Variants in MICAL3 observed in about 807,000 individuals in gnomAD.
MICAL3 encodes microtubule associated monooxygenase, calponin and LIM domain containing 3, also known as [F-actin]-monooxygenase MICAL3.
Under a neutral mutation model 207.4 loss-of-function variants are expected in MICAL3, and 62 were observed. That is an observed-to-expected ratio of 0.30 (90% CI 0.24 to 0.37). MICAL3 has a LOEUF of 0.37. Among genes scored for constraint, MICAL3 ranks in the 10% least tolerant of loss-of-function variants. The probability of loss-of-function intolerance (pLI) is 1.00; values close to 1 mark genes in which losing one functional copy is unlikely to be tolerated. For synonymous variants in MICAL3, 1,077 were observed against 1,069.3 expected (o/e 1.01, Z -0.14); for missense variants, 2,368 against 2,635.6 (o/e 0.90, Z 2.22).
chr22:17,901,091 A>G (rs1931281509), intron 5 of MICAL3, 94 bp from the exon 6 acceptor site: 10 of 1,245,638 alleles, frequency 8.0e-6, no homozygotes, highest in Admixed American at 1.7e-5. Flanking sequence ...GACAACAGGG[A>G]AAGTCAGGGA....
rs1232789896 is a variant in MICAL3, at chr22:17,820,846, AAATAAATTTGTTCTAATAAATTTT to A, written c.3531+557_3531+580del. 5.2e-3 allele frequency among the ~76,000 whole-genome samples: 762 copies of A among 147,224 alleles called. 5 individuals are homozygous for A. Among genetic ancestry groups the A allele is most frequent in the African/African-American group, 0.018 (729 of 40,710 alleles). On this transcript the variant is annotated intron_variant, in intron 25 of 31. Coordinates refer to ENST00000441493, the MANE Select transcript of MICAL3 (RefSeq NM_015241.3). The stretch of plus-strand genomic sequence containing the variant: ...TTTTAATATATTATAAATTTATAAA[AAATAAATTTGTTCTAATAAATTTT>A]AATAAATTTATATTTATAAACATAA...
chr22:17,947,514 T>C lies in MICAL3; in HGVS notation c.-74-40628A>G, dbSNP rs560944736. ...CTCATTCTGGTTTTGCATCAACCTA[T>C]CATTGTAAAATCAAAGTATGAAAGA... On this transcript the variant is annotated intron_variant, in intron 1 of 31. Transcript: ENST00000441493. Among the ~76,000 whole-genome samples, 62 of 152,330 alleles carry C rather than the reference T, an allele frequency of 4.1e-4. 1 individual carries two copies. In the South Asian group the frequency reaches 0.013, roughly 31 times the overall value.
chr22:17,867,682 C>T (rs976348856), intron 17 of MICAL3, among the ~76,000 whole-genome samples: 2 of 152,106 alleles, frequency 1.3e-5, no homozygotes, highest in Admixed American at 6.5e-5. Flanking sequence ...AAGGCAGGCT[C>T]GCTGGAGACG....
At chr22:17,866,120 C>CTT in intron 17 of MICAL3, 108 bp from the exon 18 acceptor site, 1 of 813,762 alleles carries the variant, frequency 1.2e-6, no homozygotes. Context: ...CTCACAAGGC[C>CTT]ATCAAGCCAC....
chr22:17,847,874 A>G (rs1176285670), intron 19 of MICAL3, among the ~76,000 whole-genome samples: 1 of 152,184 alleles, frequency 6.6e-6, no homozygotes, highest in Non-Finnish European at 1.5e-5. Context: ...TATGTTGCCC[A>G]GGCTGGTCTT....
chr22:17,913,236 T>C (rs1160607477), intron 1 of MICAL3, among the ~76,000 whole-genome samples: 1 of 152,122 alleles, frequency 6.6e-6, no homozygotes, highest in Non-Finnish European at 1.5e-5. Flanking sequence ...ATTATTTAAA[T>C]GTCTCTCTCC....
chr22:17,884,948 G>A (rs768436004), intron 16 of MICAL3, among the ~76,000 whole-genome samples: 1 of 152,222 alleles, frequency 6.6e-6, no homozygotes. Flanking sequence ...GCATGGAAAA[G>A]ACGGAGAGAG....
At position 17,790,984 on chromosome 22, in the gene MICAL3, C is replaced by T. The variant is rs1046291883; in HGVS notation, c.5824+14G>A. 1 of 1,612,854 alleles carries T rather than the reference C, an allele frequency of 6.2e-7. No individual in the cohort carries two copies. Among genetic ancestry groups the T allele is most frequent in the African/African-American group, 1.3e-5 (1 of 75,032 alleles). On this transcript the variant is annotated intron_variant, in intron 31 of 31. Transcript: ENST00000441493. ...CACCCACCCTGGCCTCCATGGGTGC[C>T]TTACCCCACTCACCTTCCACTGCCA...
At chr22:18,020,613 TA>T (rs55654559) in intron 1 of MICAL3, among the ~76,000 whole-genome samples, 178 of 119,728 alleles carry the variant, frequency 1.5e-3, no homozygotes, top group East Asian at 4.3e-3. Flanking sequence ...CTTTAAAAAG[TA>T]AAAAAAAAAA....
rs966907757 is a variant in MICAL3, at chr22:17,787,738, C to T, written c.*2994G>A. 2 of 152,228 alleles carry T rather than the reference C, an allele frequency of 1.3e-5. No individual in the cohort carries two copies. Among genetic ancestry groups the T allele is most frequent in the African/African-American group, 4.8e-5 (2 of 41,464 alleles). The allele number at this position is 152,228 out of a possible 1,614,324, so 9.4% of individuals were successfully genotyped here. On this transcript the variant is annotated 3_prime_UTR_variant, in exon 32 of 32. Coordinates refer to ENST00000441493, the MANE Select transcript of MICAL3 (RefSeq NM_015241.3). ...ACCTTTAAAAAAATGTTTTTTAACT[C>T]TCCTTTCTGTCCCACTGAAAAATTT...
At chr22:17,959,153 C>T (rs1194917290) in intron 1 of MICAL3, among the ~76,000 whole-genome samples, 1 of 144,900 alleles carries the variant, frequency 6.9e-6, no homozygotes, top group African/African-American at 2.6e-5. Context: ...GTAGCTGAGA[C>T]TGCAGGCGCC....
intron 1 of MICAL3, among the ~76,000 whole-genome samples, chr22:17,929,262 C>A (rs935434907): frequency 1.4e-4 from 15 of 109,260 alleles, no homozygotes; most frequent in African/African-American, 5.7e-4. Flanking sequence ...CCACGCCTGG[C>A]TAATTTTTTT....
At chr22:17,901,215 T>C (rs1175346261) in intron 5 of MICAL3, among the ~76,000 whole-genome samples, 1 of 152,132 alleles carries the variant, frequency 6.6e-6, no homozygotes, top group Non-Finnish European at 1.5e-5. Context: ...AACAAACAAT[T>C]TGAAATCTGA....
chr22:17,940,177 G>C (rs551090259), intron 1 of MICAL3, among the ~76,000 whole-genome samples: 1 of 152,272 alleles, frequency 6.6e-6, no homozygotes, highest in African/African-American at 2.4e-5. Context: ...GCCCTTTCAG[G>C]GCCAGTTGGA....
At chr22:17,821,693 G>A (rs1921664800) in intron 24 of MICAL3, among the ~76,000 whole-genome samples, 184 bp from the exon 25 acceptor site, 1 of 152,214 alleles carries the variant, frequency 6.6e-6, no homozygotes, top group Non-Finnish European at 1.5e-5. Flanking sequence ...TCTTCCCGGG[G>A]CTGCCCGGCA....
chr22:17,816,242 C>T (rs1601957790), intron 27 of MICAL3, among the ~76,000 whole-genome samples: 1 of 152,350 alleles, frequency 6.6e-6, no homozygotes, highest in Non-Finnish European at 1.5e-5. Flanking sequence ...GACAAACCCT[C>T]CCTAACTATC....
intron 1 of MICAL3, among the ~76,000 whole-genome samples, chr22:17,965,420 G>C (rs778418285): frequency 2.0e-5 from 3 of 152,170 alleles, no homozygotes; most frequent in Non-Finnish European, 4.4e-5. Context: ...ACACATCAGA[G>C]AGTCTTCATG....
intron 1 of MICAL3, among the ~76,000 whole-genome samples, chr22:17,923,388 A>G (rs1361715626): frequency 6.6e-6 from 1 of 152,226 alleles, no homozygotes; most frequent in Non-Finnish European, 1.5e-5. Flanking sequence ...TCTGGGCTCC[A>G]AGCCAGCAAC....
At chr22:17,913,799 G>A (rs1473833005) in intron 1 of MICAL3, among the ~76,000 whole-genome samples, 1 of 152,178 alleles carries the variant, frequency 6.6e-6, no homozygotes, top group African/African-American at 2.4e-5. Context: ...TAAGTCAGAA[G>A]TGACCTGACC....
Sources: gnomAD v4.1 joint callset for allele counts (sites outside exome capture counted in the v4.1 genomes callset) on GRCh38, gnomAD v4.1.1 for gene constraint, MANE v1.5 for transcripts, NCBI Gene and HGNC (gene_info 2026-07-23, HGNC 2026-07-21) for gene names.